Variants in THSD4 observed in about 807,000 individuals in gnomAD.
THSD4 encodes thrombospondin type-1 domain-containing protein 4.
Under a neutral mutation model 119.0 loss-of-function variants are expected in THSD4, and 69 were observed. The ratio of observed to expected loss-of-function variants is 0.58; its 90% CI spans 0.48 to 0.71. THSD4 has a LOEUF of 0.71. THSD4 is among the 30% of genes least tolerant of loss of function. The probability of loss-of-function intolerance (pLI) is 0.00; values close to 1 mark genes in which losing one functional copy is unlikely to be tolerated. For synonymous variants in THSD4, 524 were observed against 540.4 expected (o/e 0.97, Z 0.42); for missense variants, 1,393 against 1,391.1 (o/e 1.00, Z -0.02).
intron 7 of THSD4, among the ~76,000 whole-genome samples, chr15:71,522,033 A>G (rs2048449031): frequency 6.6e-6 from 1 of 152,184 alleles, no homozygotes; most frequent in Non-Finnish European, 1.5e-5. Context: ...CTAATATAAA[A>G]TATTCATCAT....
chr15:71,710,533 A>G (rs1430337192), intron 8 of THSD4, among the ~76,000 whole-genome samples: 1 of 152,216 alleles, frequency 6.6e-6, no homozygotes, highest in South Asian at 2.1e-4. Context: ...TGCCTCAGAA[A>G]CTAGACCCAG....
At chr15:71,278,160 A>G (rs755557416) in intron 6 of THSD4, among the ~76,000 whole-genome samples, 1 of 152,182 alleles carries the variant, frequency 6.6e-6, no homozygotes, top group African/African-American at 2.4e-5. Context: ...TTCAAACTAA[A>G]GACTGCTAGA....
intron 7 of THSD4, among the ~76,000 whole-genome samples, chr15:71,531,732 A>C (rs1352160533): frequency 6.6e-6 from 1 of 152,236 alleles, no homozygotes; most frequent in Non-Finnish European, 1.5e-5. Flanking sequence ...TCTTTTGTTG[A>C]AATGCAGGGA....
rs138380192 is a variant in THSD4, at chr15:71,578,805, A to G, written c.1153-81725A>G. On this transcript the variant is annotated intron_variant, in intron 7 of 17. Coordinates refer to ENST00000261862, the MANE Select transcript of THSD4 (RefSeq NM_024817.3). ...TAATGATATTTGGTGTTATCTTTGC[A>G]TACATTAATTTGACTTGGGGGACTC... Among the ~76,000 whole-genome samples the G allele has an allele frequency of 2.7e-3, 393 of 146,832 alleles. 2 individuals carry two copies. The highest frequency in any genetic ancestry group is 9.3e-3 in the African/African-American group (382 of 41,032).
chr15:71,690,547 C>T (rs1469764002), intron 8 of THSD4, among the ~76,000 whole-genome samples: 2 of 152,152 alleles, frequency 1.3e-5, no homozygotes, highest in Non-Finnish European at 2.9e-5. Context: ...CAGCCTACTC[C>T]CGAGAACCTG....
chr15:71,629,829 A>T (rs1181178131), intron 7 of THSD4, among the ~76,000 whole-genome samples: 1 of 152,026 alleles, frequency 6.6e-6, no homozygotes, highest in East Asian at 1.9e-4. Context: ...CTCATTTGGG[A>T]TGCGTGGTTT....
rs1378425445 is a variant in THSD4, at chr15:71,757,891, C to T, written c.2416-11C>T. 5.0e-6 allele frequency: 8 copies of T among 1,612,652 alleles called. No individual in the cohort carries two copies. Among genetic ancestry groups the T allele is most frequent in the Non-Finnish European group, 6.8e-6 (8 of 1,179,814 alleles). On this transcript the variant is annotated splice_polypyrimidine_tract_variant and intron_variant, in intron 14 of 17. Transcript: ENST00000261862. ...GCCTCCTGACTAATGTGCCCTTCCC[C>T]TGTCTCACAGTGCTCAGCGGAGTGT...
intron 6 of THSD4, among the ~76,000 whole-genome samples, chr15:71,328,961 C>G (rs1195235001): frequency 6.6e-6 from 1 of 152,136 alleles, no homozygotes; most frequent in African/African-American, 2.4e-5. Flanking sequence ...AAGTTTCTCT[C>G]CAACTCTACA....
At chr15:71,457,741 C>A (rs1334689610) in intron 7 of THSD4, among the ~76,000 whole-genome samples, 1 of 152,166 alleles carries the variant, frequency 6.6e-6, no homozygotes, top group Non-Finnish European at 1.5e-5. Flanking sequence ...AAGACTTGTC[C>A]CTCCACCACC....
At chr15:71,684,975 A>G (rs1409660888) in intron 8 of THSD4, among the ~76,000 whole-genome samples, 1 of 152,104 alleles carries the variant, frequency 6.6e-6, no homozygotes, top group Non-Finnish European at 1.5e-5. Flanking sequence ...TTTTTAATGT[A>G]TCTTTTTCAT....
intron 1 of THSD4, among the ~76,000 whole-genome samples, chr15:71,109,305 C>T (rs982435256): frequency 1.3e-5 from 2 of 152,172 alleles, no homozygotes; most frequent in African/African-American, 2.4e-5. Context: ...ACTAGAGCTG[C>T]ATGGTAATTC....
At chr15:71,770,924 G>A (rs2053811402) in intron 16 of THSD4, 140 bp from the exon 17 acceptor site, 3 of 1,264,996 alleles carry the variant, frequency 2.4e-6, no homozygotes, top group African/African-American at 3.0e-5. Context: ...GTTGAAGCTG[G>A]TTGATAGGTA....
chr15:71,566,382 C>T (rs2140890626), intron 7 of THSD4, among the ~76,000 whole-genome samples: 1 of 152,304 alleles, frequency 6.6e-6, no homozygotes, highest in East Asian at 1.9e-4. Context: ...CCACAGATTT[C>T]AACACCAGTA....
intron 16 of THSD4, among the ~76,000 whole-genome samples, chr15:71,768,467 A>G (rs2053753820): frequency 6.6e-6 from 1 of 152,144 alleles, no homozygotes; most frequent in Non-Finnish European, 1.5e-5. Flanking sequence ...AAGTGCAAGA[A>G]TGAAAAAGAC....
At chr15:71,408,497 T>C (rs1475762252) in intron 6 of THSD4, among the ~76,000 whole-genome samples, 1 of 152,132 alleles carries the variant, frequency 6.6e-6, no homozygotes, top group African/African-American at 2.4e-5. Context: ...CCTCCAATAG[T>C]GTTGGCATAA....
intron 6 of THSD4, among the ~76,000 whole-genome samples, chr15:71,290,875 C>CTTTTT (rs11438956): frequency 1.5e-5 from 2 of 129,474 alleles, no homozygotes; most frequent in Non-Finnish European, 3.2e-5. Context: ...TCCTTTTTTC[C>CTTTTT]TTTTTTTTTT....
intron 1 of THSD4, among the ~76,000 whole-genome samples, chr15:71,135,698 A>G (rs2141366147): frequency 6.6e-6 from 1 of 152,246 alleles, no homozygotes; most frequent in South Asian, 2.1e-4. Context: ...AGCCTTCTCC[A>G]GCCAAAGCTC....
chr15:71,719,405 T>C (rs1344741007), intron 8 of THSD4, among the ~76,000 whole-genome samples: 2 of 152,236 alleles, frequency 1.3e-5, no homozygotes, highest in East Asian at 3.8e-4. Flanking sequence ...GAAACCATAA[T>C]TTGGACATTA....
intron 7 of THSD4, among the ~76,000 whole-genome samples, chr15:71,594,698 A>G (rs185683127): frequency 2.0e-4 from 30 of 152,300 alleles, no homozygotes; most frequent in East Asian, 1.7e-3. Flanking sequence ...TCAGACCTCC[A>G]TGTATCGAAC....
Sources: allele counts gnomAD v4.1 joint callset (sites outside exome capture counted in the v4.1 genomes callset), GRCh38; gene constraint gnomAD v4.1.1; transcripts MANE v1.5; gene names NCBI Gene and HGNC (gene_info 2026-07-23, HGNC 2026-07-21).